The following RAPGEF5 variants were observed in gnomAD, a reference collection of about 807,000 sequenced individuals.
RAPGEF5 encodes M-Ras-regulated GEF.
In RAPGEF5, 65 loss-of-function variants were observed where a neutral mutation model predicts 125.2. The ratio of observed to expected loss-of-function variants is 0.52; its 90% CI spans 0.43 to 0.64. The LOEUF is 0.64. RAPGEF5 is among the 30% of genes least tolerant of loss of function. RAPGEF5 has a pLI of 0.00. For synonymous variants in RAPGEF5, 391 were observed against 385.9 expected, an observed-to-expected ratio of 1.01 and a Z score of -0.16; for missense variants, 958 against 1,048.1, an observed-to-expected ratio of 0.91 and a Z score of 1.19.
rs573411609 is a variant in RAPGEF5, at chr7:22,308,006, G to A, written c.680+333C>T. 1.2e-4 allele frequency among the ~76,000 whole-genome samples: 19 copies of A among 152,278 alleles called. 1 individual carries two copies. The highest frequency in any genetic ancestry group is 1.0e-3 in the South Asian group (5 of 4,824). On this transcript the variant is annotated intron_variant, in intron 5 of 25. Transcript: ENST00000665637. ...TTAGGAAAGTCACGATTTGGATAGC[G>A]AATAGGATGGGAGTTACTATTTTAT... is the stretch of plus-strand genomic sequence containing the variant.
At chr7:22,355,784 G>A (rs1784410177) in intron 1 of RAPGEF5, among the ~76,000 whole-genome samples, 1 of 152,070 alleles carries the variant, frequency 6.6e-6, no homozygotes, top group South Asian at 2.1e-4. Context: ...GAAAACAAGT[G>A]GTTATCCCTC....
At chr7:22,238,391 A>G (rs557525455) in intron 7 of RAPGEF5, among the ~76,000 whole-genome samples, 1 of 152,284 alleles carries the variant, frequency 6.6e-6, no homozygotes, top group East Asian at 1.9e-4. Flanking sequence ...GACACTCATA[A>G]TTTTTCCAAC....
chr7:22,319,450 C>T (rs1002714793), intron 1 of RAPGEF5, among the ~76,000 whole-genome samples: 21 of 152,330 alleles, frequency 1.4e-4, no homozygotes, highest in African/African-American at 5.1e-4. Context: ...TGTATCAACT[C>T]TTTATCCAGA....
chr7:22,158,333 C>T (rs1038012667), intron 14 of RAPGEF5, among the ~76,000 whole-genome samples: 7 of 152,212 alleles, frequency 4.6e-5, no homozygotes, highest in Non-Finnish European at 2.9e-5. Context: ...GGATGTGTCT[C>T]TGTGTGGTGG....
chr7:22,190,137 G>A (rs140272918), intron 11 of RAPGEF5, among the ~76,000 whole-genome samples: 59 of 152,204 alleles, frequency 3.9e-4, no homozygotes, highest in African/African-American at 1.4e-3. Flanking sequence ...AAAATTAGCC[G>A]GGCGTGGTGG....
At chr7:22,285,666 G>A (rs961935915) in intron 6 of RAPGEF5, among the ~76,000 whole-genome samples, 1 of 152,172 alleles carries the variant, frequency 6.6e-6, no homozygotes, top group Non-Finnish European at 1.5e-5. Flanking sequence ...AAGAAAGGCT[G>A]TAGATAGAGT....
intron 23 of RAPGEF5, among the ~76,000 whole-genome samples, chr7:22,132,131 A>C (rs1052419310): frequency 2.0e-5 from 3 of 152,234 alleles, no homozygotes; most frequent in African/African-American, 7.2e-5. Context: ...AACTCCTATA[A>C]ATAGAAAAAG....
intron 11 of RAPGEF5, among the ~76,000 whole-genome samples, chr7:22,184,882 T>C (rs946575688): frequency 6.6e-5 from 10 of 152,216 alleles, no homozygotes; most frequent in Non-Finnish European, 1.5e-4. Flanking sequence ...TCACTTCTCA[T>C]GTGAGTAGTC....
chr7:22,226,824 C>T (rs1256146802), intron 8 of RAPGEF5, among the ~76,000 whole-genome samples: 1 of 152,130 alleles, frequency 6.6e-6, no homozygotes, highest in Non-Finnish European at 1.5e-5. Flanking sequence ...TAAAACATCA[C>T]CTTTGTATAG....
At chr7:22,273,451 C>T (rs1012888320) in intron 6 of RAPGEF5, among the ~76,000 whole-genome samples, 1 of 152,018 alleles carries the variant, frequency 6.6e-6, no homozygotes, top group Non-Finnish European at 1.5e-5. Flanking sequence ...ATCTCCTGAC[C>T]TTGTGATCCG....
At chr7:22,182,777 C>G (rs1230490619) in intron 11 of RAPGEF5, among the ~76,000 whole-genome samples, 1 of 152,026 alleles carries the variant, frequency 6.6e-6, no homozygotes, top group Non-Finnish European at 1.5e-5. Flanking sequence ...GTCAGGGAGA[C>G]AGGATATCAA....
intron 24 of RAPGEF5, among the ~76,000 whole-genome samples, chr7:22,128,084 G>A (rs1416208324): frequency 2.0e-5 from 3 of 152,142 alleles, no homozygotes; most frequent in South Asian, 2.1e-4. Context: ...TGCCATTTGC[G>A]TAGCTTGTGC....
rs562625498 is a variant in RAPGEF5 at position 22,194,108 on chromosome 7, G to A, written c.997-75C>T. 1.6e-5 allele frequency: 20 copies of A among 1,233,140 alleles called. No individual in the cohort carries two copies. In the African/African-American group the frequency reaches 2.9e-4, roughly 18 times the overall value. 76.4% of individuals were successfully genotyped at this position (1,233,140 alleles called of 1,614,324 possible). A position where few individuals can be genotyped will look rare whatever the true frequency, so the allele number is the denominator to read the frequency against. On this transcript the variant is annotated intron_variant, in intron 9 of 25. Transcript: ENST00000665637. ...AAATTAAAAGTGGGGGGAAAATGGA[G>A]CTAACTCAAGCTGTATTTTCTAGAG...
At chr7:22,195,152 G>T (rs376871894) in intron 9 of RAPGEF5, among the ~76,000 whole-genome samples, 10 of 152,048 alleles carry the variant, frequency 6.6e-5, no homozygotes, top group East Asian at 3.9e-4. Flanking sequence ...ACCTACCTAC[G>T]GTCAGGTACA....
At chr7:22,337,198 C>T (rs571200583) in intron 1 of RAPGEF5, among the ~76,000 whole-genome samples, 4 of 152,208 alleles carry the variant, frequency 2.6e-5, no homozygotes, top group South Asian at 4.1e-4. Flanking sequence ...GCAGGGGCTA[C>T]GGTATGGGTG....
At chr7:22,296,627 T>C (rs1783068426) in intron 5 of RAPGEF5, among the ~76,000 whole-genome samples, 1 of 152,188 alleles carries the variant, frequency 6.6e-6, no homozygotes, top group Non-Finnish European at 1.5e-5. Context: ...CTGGAGTGGC[T>C]GGCTTACCTA....
chr7:22,178,314 T>G (rs1784572122), intron 11 of RAPGEF5, among the ~76,000 whole-genome samples: 1 of 152,180 alleles, frequency 6.6e-6, no homozygotes, highest in South Asian at 2.1e-4. Context: ...AAAAACCATT[T>G]TTCTACTCTC....
intron 7 of RAPGEF5, among the ~76,000 whole-genome samples, chr7:22,265,278 C>G (rs1257403134): frequency 2.0e-5 from 3 of 152,164 alleles, no homozygotes; most frequent in Non-Finnish European, 2.9e-5. Context: ...CCTTGCCAGC[C>G]TCTAGCAACC....
intron 24 of RAPGEF5, among the ~76,000 whole-genome samples, chr7:22,126,869 C>G (rs1305624770): frequency 1.3e-5 from 2 of 152,110 alleles, no homozygotes; most frequent in African/African-American, 4.8e-5. Flanking sequence ...ATAATCCAAC[C>G]AAATTGGCCT....
Sources: allele counts gnomAD v4.1 joint callset (sites outside exome capture counted in the v4.1 genomes callset), GRCh38; gene constraint gnomAD v4.1.1; transcripts MANE v1.5; gene names NCBI Gene and HGNC (gene_info 2026-07-23, HGNC 2026-07-21).